PALM2AKAP2: variants seen among roughly 807,000 people sequenced by gnomAD.
The protein encoded by PALM2AKAP2 is PALM2-AKAP2 fusion protein.
In PALM2AKAP2, 37 loss-of-function variants were observed where a neutral mutation model predicts 71.5. The observed-to-expected ratio is 0.52, with a 90% CI of 0.40 to 0.68. The LOEUF is 0.68. Ranked by LOEUF, PALM2AKAP2 falls within the 30% of genes least tolerant of loss-of-function variation. The probability of loss-of-function intolerance (pLI) is 0.00; values close to 1 mark genes in which losing one functional copy is unlikely to be tolerated. For missense variants in PALM2AKAP2, 1,224 were observed against 1,191.8 expected, an observed-to-expected ratio of 1.03 and a Z score of -0.40; for synonymous variants, 468 against 478.8, an observed-to-expected ratio of 0.98 and a Z score of 0.29.
intron 1 of PALM2AKAP2, among the ~76,000 whole-genome samples, chr9:110,072,511 T>G (rs564487289): frequency 2.6e-5 from 4 of 152,362 alleles, no homozygotes; most frequent in Admixed American, 1.3e-4. Flanking sequence ...ATTACTTATC[T>G]GTGCCCTCTA....
chr9:110,170,498 C>T (rs1836836236), exon 4 of PALM2AKAP2: 1 of 152,272 alleles, frequency 6.6e-6, no homozygotes, highest in African/African-American at 2.4e-5. Flanking sequence ...CATCTACTAA[C>T]AAGGATCCTT....
chr9:109,940,724 G>A (rs1831340338), intron 6 of PALM2AKAP2, among the ~76,000 whole-genome samples: 1 of 152,168 alleles, frequency 6.6e-6, no homozygotes, highest in South Asian at 2.1e-4. Context: ...GTGGGAGGAA[G>A]TTGAGTGTCC....
At chr9:110,014,521 C>T (rs1832938010) in intron 6 of PALM2AKAP2, among the ~76,000 whole-genome samples, 1 of 151,604 alleles carries the variant, frequency 6.6e-6, no homozygotes, top group Admixed American at 6.6e-5. Context: ...TCCTGTAATC[C>T]CAGCACTTTG....
chr9:109,711,867 G>T (rs976653835), intron 1 of PALM2AKAP2, among the ~76,000 whole-genome samples: 2 of 152,202 alleles, frequency 1.3e-5, no homozygotes, highest in African/African-American at 4.8e-5. Flanking sequence ...ATTTCTTTCA[G>T]AGCAGGAGAC....
intron 1 of PALM2AKAP2, among the ~76,000 whole-genome samples, chr9:109,751,369 C>T (rs905375804): frequency 6.6e-6 from 1 of 152,186 alleles, no homozygotes; most frequent in Non-Finnish European, 1.5e-5. Flanking sequence ...GATTTTACAG[C>T]TCTCCTGCTC....
chr9:109,906,397 T>A (rs1348943062), intron 3 of PALM2AKAP2, among the ~76,000 whole-genome samples: 1 of 152,098 alleles, frequency 6.6e-6, no homozygotes. Context: ...CGGGGTTTCA[T>A]CATGTTGGCC....
chr9:109,945,225 G>A (rs1368793379), intron 6 of PALM2AKAP2: 2 of 151,830 alleles, frequency 1.3e-5, no homozygotes, highest in African/African-American at 4.8e-5. Context: ...AGCACAAAAT[G>A]GGTCATTTTA....
intron 1 of PALM2AKAP2, among the ~76,000 whole-genome samples, chr9:109,821,739 G>T (rs1445729191): frequency 6.6e-6 from 1 of 152,118 alleles, no homozygotes; most frequent in Non-Finnish European, 1.5e-5. Flanking sequence ...ACAGGGAGCT[G>T]CCCTGTGCTG....
intron 2 of PALM2AKAP2, among the ~76,000 whole-genome samples, chr9:109,879,491 A>G (rs753428037): frequency 2.0e-5 from 3 of 152,182 alleles, no homozygotes; most frequent in Non-Finnish European, 2.9e-5. Flanking sequence ...TCTAGGGACC[A>G]TATAAGTGGA....
At chr9:110,161,948 G>GA in intron 3 of PALM2AKAP2, 146 bp from the exon 10 acceptor site, 3 of 968,974 alleles carry the variant, frequency 3.1e-6, no homozygotes, top group Non-Finnish European at 4.8e-6. Flanking sequence ...ATCAGATGGA[G>GA]AAAGTTTTGG....
chr9:110,069,680 A>C (rs928705597), intron 1 of PALM2AKAP2, among the ~76,000 whole-genome samples: 4 of 152,308 alleles, frequency 2.6e-5, no homozygotes, highest in Middle Eastern at 3.4e-3. Flanking sequence ...AGGACTAGGA[A>C]GGAGAACCAG....
chr9:109,934,760 A>G (rs918166061), intron 6 of PALM2AKAP2, among the ~76,000 whole-genome samples: 4 of 152,202 alleles, frequency 2.6e-5, no homozygotes, highest in Non-Finnish European at 5.9e-5. Context: ...GTTTATCCAT[A>G]GAATTGTTGT....
intron 1 of PALM2AKAP2, among the ~76,000 whole-genome samples, chr9:110,061,534 C>T (rs940416915): frequency 2.6e-5 from 4 of 151,160 alleles, no homozygotes; most frequent in African/African-American, 7.3e-5. Flanking sequence ...AAAGTCAGGC[C>T]CTATTTCCAG....
chr9:109,988,851 G>A (rs1832424471), intron 6 of PALM2AKAP2, among the ~76,000 whole-genome samples: 1 of 152,320 alleles, frequency 6.6e-6, no homozygotes, highest in East Asian at 1.9e-4. Flanking sequence ...GACCTGGTGG[G>A]AGATAATTGA....
At chr9:109,771,217 G>C (rs1301032460) in intron 1 of PALM2AKAP2, among the ~76,000 whole-genome samples, 1 of 152,220 alleles carries the variant, frequency 6.6e-6, no homozygotes, top group African/African-American at 2.4e-5. Context: ...GGAATTAGGA[G>C]GGATAACCCC....
intron 1 of PALM2AKAP2, among the ~76,000 whole-genome samples, chr9:109,732,717 T>C (rs1828574862): frequency 6.6e-6 from 1 of 151,610 alleles, no homozygotes; most frequent in Admixed American, 6.6e-5. Flanking sequence ...TAATGATGAG[T>C]GCTATGGAGA....
At chr9:109,720,093 A>T (rs1828383757) in intron 1 of PALM2AKAP2, among the ~76,000 whole-genome samples, 1 of 151,584 alleles carries the variant, frequency 6.6e-6, no homozygotes, top group Non-Finnish European at 1.5e-5. Context: ...GGTTCAAGTG[A>T]TTCTCCTGCC....
intron 1 of PALM2AKAP2, among the ~76,000 whole-genome samples, chr9:110,105,588 T>C (rs780034897): frequency 6.6e-6 from 1 of 152,236 alleles, no homozygotes; most frequent in Admixed American, 6.5e-5. Context: ...GGCTACAAAT[T>C]AATCCATTTA....
intron 1 of PALM2AKAP2, among the ~76,000 whole-genome samples, chr9:110,125,893 A>T (rs1278152394): frequency 6.6e-6 from 1 of 151,962 alleles, no homozygotes; most frequent in Non-Finnish European, 1.5e-5. Flanking sequence ...GTGGCAGATC[A>T]CGCTTTGAAG....
Sources: gnomAD v4.1 joint callset for allele counts (sites outside exome capture counted in the v4.1 genomes callset) on GRCh38, gnomAD v4.1.1 for gene constraint, MANE v1.5 for transcripts, NCBI Gene and HGNC (gene_info 2026-07-23, HGNC 2026-07-21) for gene names.